POC5: variants seen among roughly 807,000 people sequenced by gnomAD.
POC5 encodes POC5 centriolar protein.
In POC5, 48 loss-of-function variants were observed where a neutral mutation model predicts 62.9. That is an observed-to-expected ratio of 0.76 (90% CI 0.61 to 0.97). The LOEUF (loss-of-function observed/expected upper bound fraction) is 0.97, where lower values mean the gene tolerates loss of function less well. Ranked by LOEUF, POC5 falls within the 50% of genes least tolerant of loss-of-function variation. The probability of loss-of-function intolerance (pLI) is 0.00; values close to 1 mark genes in which losing one functional copy is unlikely to be tolerated. For missense variants in POC5, 696 were observed against 679.5 expected (o/e 1.02, Z -0.27); for synonymous variants, 236 against 228.2 (o/e 1.03, Z -0.31).
At chr5:75,681,137 CAG>C (rs1775853585) in intron 10 of POC5, among the ~76,000 whole-genome samples, 3 of 152,082 alleles carry the variant, frequency 2.0e-5, no homozygotes, top group African/African-American at 7.2e-5. Context: ...TAATATTTGA[CAG>C]AGAGACAGTA....
chr5:75,686,724 G>A (rs887191522), intron 9 of POC5, among the ~76,000 whole-genome samples: 11 of 152,090 alleles, frequency 7.2e-5, no homozygotes, highest in African/African-American at 2.2e-4. Context: ...GCTGATATCA[G>A]ATAACTCTTA....
At chr5:75,692,070 G>A (rs529853455) in intron 7 of POC5, among the ~76,000 whole-genome samples, 41 of 152,220 alleles carry the variant, frequency 2.7e-4, no homozygotes, top group Non-Finnish European at 5.1e-4. Flanking sequence ...GGAAGCATTT[G>A]ATATGTTAAA....
Position 75,690,264 on chromosome 5 carries a change from T to A in POC5, c.975+119A>T, listed in dbSNP as rs376168841. On this transcript the variant is annotated intron_variant, in intron 8 of 11. Coordinates refer to ENST00000428202, the MANE Select transcript of POC5 (RefSeq NM_001099271.2). ...TAAATTAACACAAGAATAAACGTTT[T>A]CATTTTTTTGTCTGCATTCTTGATT... is the stretch of plus-strand genomic sequence containing the variant. 8.6e-6 allele frequency: 8 copies of A among 927,594 alleles called. No individual in the cohort carries two copies. In the African/African-American group the frequency reaches 1.2e-4, roughly 14 times the overall value. The allele number at this position is 927,594 out of a possible 1,614,324, so 57.5% of individuals were successfully genotyped here.
chr5:75,712,507 A>G, intron 2 of POC5: 1 of 1,460,412 alleles, frequency 6.8e-7, no homozygotes, highest in South Asian at 1.2e-5. Context: ...ATGGTTTGAT[A>G]TTGTATTAAT....
At chr5:75,679,949 A>G (rs1775809901) in intron 10 of POC5, among the ~76,000 whole-genome samples, 4 of 152,332 alleles carry the variant, frequency 2.6e-5, no homozygotes, top group South Asian at 2.1e-4. Flanking sequence ...GTTTCTCACT[A>G]TAGTCCTTGT....
chr5:75,708,672 G>C (rs1469980213), intron 2 of POC5, among the ~76,000 whole-genome samples: 4 of 152,032 alleles, frequency 2.6e-5, no homozygotes, highest in African/African-American at 9.7e-5. Flanking sequence ...TACTACTGTA[G>C]TTTTGTTTTC....
chr5:75,703,168 G>A (rs1776962262), intron 4 of POC5, among the ~76,000 whole-genome samples: 3 of 152,060 alleles, frequency 2.0e-5, no homozygotes, highest in Non-Finnish European at 4.4e-5. Context: ...ACATTATAAA[G>A]ATTAGTTCTC....
intron 10 of POC5, among the ~76,000 whole-genome samples, chr5:75,682,477 G>A (rs1775903377): frequency 6.6e-6 from 1 of 150,648 alleles, no homozygotes; most frequent in African/African-American, 2.4e-5. Flanking sequence ...AAACACAGCT[G>A]AAAATATGTC....
At chr5:75,689,601 T>C (rs1776235153) in intron 8 of POC5, 2 of 984,742 alleles carry the variant, frequency 2.0e-6, no homozygotes, top group African/African-American at 1.7e-5. Flanking sequence ...GTATTTGAAG[T>C]GCAGAGTGAC....
intron 2 of POC5, among the ~76,000 whole-genome samples, chr5:75,711,697 G>GTAATAGTTGACA (rs1037922359): frequency 6.6e-6 from 1 of 152,132 alleles, no homozygotes; most frequent in African/African-American, 2.4e-5. Context: ...AGAACCAGTA[G>GTAATAGTTGACA]GAACATTAGT....
chr5:75,675,415 T>C (rs1775614067), intron 11 of POC5, among the ~76,000 whole-genome samples: 1 of 152,308 alleles, frequency 6.6e-6, no homozygotes, highest in South Asian at 2.1e-4. Context: ...AGAAAAGTCA[T>C]TGTTAAAATA....
At chr5:75,706,491 C>T (rs1777125474) in intron 3 of POC5, among the ~76,000 whole-genome samples, 1 of 151,956 alleles carries the variant, frequency 6.6e-6, no homozygotes, top group South Asian at 2.1e-4. Context: ...TGCTATCTTA[C>T]ATAAGAGAAA....
intron 9 of POC5, among the ~76,000 whole-genome samples, 167 bp downstream of exon 9, chr5:75,688,845 T>C (rs2112111274): frequency 6.6e-6 from 1 of 152,332 alleles, no homozygotes; most frequent in South Asian, 2.1e-4. Context: ...TGAGCTCATT[T>C]TCATGGCAGA....
intron 5 of POC5, among the ~76,000 whole-genome samples, chr5:75,699,121 C>G (rs1272347796): frequency 6.6e-6 from 1 of 152,194 alleles, no homozygotes; most frequent in Admixed American, 6.5e-5. Flanking sequence ...GGATTCACAG[C>G]TGAATTCTAC....
rs1487154201 is a variant in POC5, at chr5:75,690,533, G to A, written c.825C>T (p.Tyr275=). The change falls in exon 8 of 12, where the codon TAC becomes TAT. Residue 275 remains tyrosine (Y), a synonymous_variant. Transcript: ENST00000428202. ...DVYEGKLADQ[Y]YQRTLLKKVW... is the part of the protein sequence containing the mutation. ...CTTTCTTCAGTAAAGTTCTCTGGTA[G>A]TACTGGTCAGCTAGTTTACCTTCAT... 1 of 1,592,366 alleles carries A rather than the reference G, an allele frequency of 6.3e-7. No homozygotes were observed. Among genetic ancestry groups the A allele is most frequent in the African/African-American group, 1.3e-5 (1 of 74,510 alleles).
At chr5:75,680,138 C>T (rs1775815409) in intron 10 of POC5, among the ~76,000 whole-genome samples, 3 of 152,138 alleles carry the variant, frequency 2.0e-5, no homozygotes, top group African/African-American at 7.2e-5. Flanking sequence ...ATTTTACAAA[C>T]TCCTGAAGAT....
Position 75,717,363 on chromosome 5 carries a change from A to C in POC5, c.-72T>G, listed in dbSNP as rs1054559246. ...GCTCTGCGCCTCTTAGCCGCGTCGC[A>C]GCTGCAGTGTCAGCAAGTGCAGCCT... On this transcript the variant is annotated 5_prime_UTR_variant, in exon 1 of 12. Coordinates refer to ENST00000428202, the MANE Select transcript of POC5 (RefSeq NM_001099271.2). 1.3e-5 allele frequency: 2 copies of C among 152,248 alleles called. No homozygotes were observed. The highest frequency in any genetic ancestry group is 4.1e-4 in the South Asian group (2 of 4,830). The allele number at this position is 152,248 out of a possible 1,614,324, so 9.4% of individuals were successfully genotyped here.
intron 10 of POC5, among the ~76,000 whole-genome samples, chr5:75,680,495 T>C (rs908481463): frequency 3.9e-5 from 6 of 152,146 alleles, no homozygotes; most frequent in Non-Finnish European, 7.4e-5. Flanking sequence ...TATACGCTCA[T>C]TGAATTAAAT....
Position 75,707,779 on chromosome 5 carries a change from C to T in POC5, c.181G>A (p.Asp61Asn). 3 of 1,568,380 alleles carry T rather than the reference C, an allele frequency of 1.9e-6. No homozygotes were observed. Among genetic ancestry groups the T allele is most frequent in the Non-Finnish European group, 2.6e-6 (3 of 1,152,858 alleles). ...SSHPKGELVP[D>N]VRISTIHDIL... ...TCATGAATTGTAGAAATTCTGACATCTGGCACCAATTCTCCCTTAGGATGA... is the reference window on the plus strand; with the variant it reads ...TCATGAATTGTAGAAATTCTGACATTTGGCACCAATTCTCCCTTAGGATGA... Residue 61 changes from aspartate (D) to asparagine (N), a missense_variant, in exon 3 of 12, where the codon GAT becomes AAT. Coordinates refer to ENST00000428202, the MANE Select transcript of POC5 (RefSeq NM_001099271.2).
Sources: allele counts gnomAD v4.1 joint callset (sites outside exome capture counted in the v4.1 genomes callset), GRCh38; gene constraint gnomAD v4.1.1; transcripts MANE v1.5; gene names NCBI Gene and HGNC (gene_info 2026-07-23, HGNC 2026-07-21).